The following NSMAF variants were observed in gnomAD, a reference collection of about 807,000 sequenced individuals.
NSMAF encodes neutral sphingomyelinase activation associated factor.
In NSMAF, 90 loss-of-function variants were observed where a neutral mutation model predicts 134.9. That is an observed-to-expected ratio of 0.67 (90% CI 0.56 to 0.79). The LOEUF is 0.79. Among genes scored for constraint, NSMAF ranks in the 30% least tolerant of loss-of-function variants. The pLI is 0.00. For synonymous variants in NSMAF, 358 were observed against 389.6 expected (o/e 0.92, Z 0.96); for missense variants, 1,010 against 1,119.0 (o/e 0.90, Z 1.39).
chr8:58,605,015 G>A (rs931903990), intron 12 of NSMAF, among the ~76,000 whole-genome samples: 6 of 152,156 alleles, frequency 3.9e-5, no homozygotes, highest in African/African-American at 1.4e-4. Context: ...AAAGTGCTGG[G>A]ATTACAGTCA....
At chr8:58,589,146 T>C (rs1805963904) in intron 26 of NSMAF, among the ~76,000 whole-genome samples, 1 of 148,254 alleles carries the variant, frequency 6.7e-6, no homozygotes, top group South Asian at 2.1e-4. Flanking sequence ...TTAAAAAATA[T>C]ATAATATGTA....
intron 12 of NSMAF, among the ~76,000 whole-genome samples, chr8:58,604,895 C>T (rs193296517): frequency 1.7e-3 from 262 of 152,178 alleles, no homozygotes; most frequent in African/African-American, 6.0e-3. Context: ...AGGCACACGC[C>T]ACCAGTCCCA....
intron 6 of NSMAF, among the ~76,000 whole-genome samples, chr8:58,628,999 A>C (rs1806998322): frequency 6.6e-6 from 1 of 152,182 alleles, no homozygotes. Flanking sequence ...TAATCTGATT[A>C]TCATGTGTCT....
Position 58,584,079 on chromosome 8 carries a change from T to C in NSMAF, c.*27A>G. 6.5e-7 allele frequency: 1 copy of C among 1,529,806 alleles called. No homozygotes were observed. The highest frequency in any genetic ancestry group is 9.1e-7 in the Non-Finnish European group (1 of 1,103,370). The allele number at this position is 1,529,806 out of a possible 1,614,324, so 94.8% of individuals were successfully genotyped here. A position where few individuals can be genotyped will look rare whatever the true frequency, so the allele number is the denominator to read the frequency against. On this transcript the variant is annotated 3_prime_UTR_variant, in exon 31 of 31. Transcript: ENST00000038176. ...TAAAAATGCATTAAATAGAGTTCAA[T>C]TTAATATTCAGGAGAGGAAAAGGCA...
chr8:58,599,128 G>T, intron 19 of NSMAF, 104 bp downstream of exon 19: 1 of 1,135,198 alleles, frequency 8.8e-7, no homozygotes, highest in Non-Finnish European at 1.3e-6. Flanking sequence ...AATTGCTTTG[G>T]CCTCATTTTT....
intron 24 of NSMAF, 106 bp downstream of exon 24, chr8:58,590,761 G>A (rs2129139463): frequency 1.7e-6 from 2 of 1,204,396 alleles, no homozygotes; most frequent in Middle Eastern, 5.2e-4. Flanking sequence ...TTACTACACA[G>A]GAATAAACTC....
At chr8:58,601,971 C>T in intron 14 of NSMAF, 87 bp downstream of exon 14, 1 of 1,044,132 alleles carries the variant, frequency 9.6e-7, no homozygotes, top group Non-Finnish European at 1.5e-6. Flanking sequence ...TTCCCCTAAG[C>T]CTTGGAGAAA....
intron 21 of NSMAF, among the ~76,000 whole-genome samples, chr8:58,596,437 T>C (rs1385327001): frequency 6.6e-6 from 1 of 152,176 alleles, no homozygotes; most frequent in Admixed American, 6.5e-5. Context: ...TTTGAAGTTG[T>C]CTTAGGTAAA....
rs185614752 is a variant in NSMAF, at chr8:58,591,268, T to C, written c.1952-334A>G. Among the ~76,000 whole-genome samples the C allele has an allele frequency of 5.4e-4, 82 of 152,244 alleles. 1 individual carries two copies. Among genetic ancestry groups the C allele is most frequent in the Admixed American group, 2.7e-3 (42 of 15,292 alleles). On this transcript the variant is annotated intron_variant, in intron 23 of 30. Coordinates refer to ENST00000038176, the MANE Select transcript of NSMAF (RefSeq NM_003580.4). The stretch of plus-strand genomic sequence containing the variant: ...ACAGGGAGGAAAATAGCAATTTTAA[T>C]AGTAACAATGAAACAGTAATTTTAA...
intron 5 of NSMAF, among the ~76,000 whole-genome samples, chr8:58,634,226 A>G (rs576737266): frequency 6.6e-6 from 1 of 152,350 alleles, no homozygotes; most frequent in Admixed American, 6.5e-5. Flanking sequence ...TTCTTCCTTA[A>G]AATTAATAGA....
At chr8:58,593,570 A>G (rs7826122) in intron 23 of NSMAF, among the ~76,000 whole-genome samples, 67,739 of 152,058 alleles carry the variant, frequency 0.45, 16,981 homozygotes, top group African/African-American at 0.69. Context: ...CCATCTCTGC[A>G]TCTTCCAGAG....
At chr8:58,653,800 T>G (rs1807640419) in intron 1 of NSMAF, among the ~76,000 whole-genome samples, 1 of 152,186 alleles carries the variant, frequency 6.6e-6, no homozygotes, top group Non-Finnish European at 1.5e-5. Flanking sequence ...CCATTCCTAT[T>G]TTATATCACA....
At position 58,589,541 on chromosome 8, in the gene NSMAF, C is replaced by T; in HGVS notation, c.2122G>A (p.Asp708Asn). 5.7e-6 allele frequency: 9 copies of T among 1,574,632 alleles called. No homozygotes were observed. Among genetic ancestry groups the T allele is most frequent in the Non-Finnish European group, 7.7e-6 (9 of 1,168,484 alleles). ...GCATCATCATGTCCCATTAACGTGTCCTGGCGTCTTCCAAATGCTATGGAA... is the reference window on the plus strand; with the variant it reads ...GCATCATCATGTCCCATTAACGTGTTCTGGCGTCTTCCAAATGCTATGGAA... Reference protein sequence around the residue: ...FYSIAFGRRQDTLMGHDDAVS... With the variant: ...FYSIAFGRRQNTLMGHDDAVS... The change falls in exon 26 of 31, where the codon GAC (aspartate) becomes AAC (asparagine). Residue 708 changes from aspartate (D) to asparagine (N), a missense_variant. By Grantham distance (23) the Asp-to-Asn change is conservative. Coordinates refer to ENST00000038176, the MANE Select transcript of NSMAF (RefSeq NM_003580.4).
At chr8:58,650,593 A>G (rs1807561558) in intron 1 of NSMAF, among the ~76,000 whole-genome samples, 1 of 152,204 alleles carries the variant, frequency 6.6e-6, no homozygotes, top group South Asian at 2.1e-4. Flanking sequence ...CAAACTGTCC[A>G]GTAACAGCAC....
In NSMAF at chr8:58,609,587, C is replaced by A. The variant is rs1363523611; in HGVS notation, c.687+17G>T. ...TAAACATGGGCAGCTCCCCACCTGA[C>A]CCTGTGGTCTACACACCGGGTAGCC... On this transcript the variant is annotated intron_variant, in intron 10 of 30. Coordinates refer to ENST00000038176, the MANE Select transcript of NSMAF (RefSeq NM_003580.4). 6.2e-7 allele frequency: 1 copy of A among 1,613,788 alleles called. No individual in the cohort carries two copies. The highest frequency in any genetic ancestry group is 1.7e-5 in the Admixed American group (1 of 60,000).
intron 6 of NSMAF, among the ~76,000 whole-genome samples, chr8:58,626,091 CTTT>C (rs1225264071): frequency 6.0e-5 from 6 of 99,390 alleles, no homozygotes; most frequent in African/African-American, 8.0e-5. Flanking sequence ...TTATATAATT[CTTT>C]TTTTTTTTTT....
chr8:58,604,234 A>AC (rs1422655883), intron 12 of NSMAF, among the ~76,000 whole-genome samples: 1 of 152,124 alleles, frequency 6.6e-6, no homozygotes, highest in Non-Finnish European at 1.5e-5. Flanking sequence ...TACTTTTGAA[A>AC]CCCCTCAGAA....
chr8:58,622,269 T>C (rs982272342), intron 9 of NSMAF, among the ~76,000 whole-genome samples: 3 of 152,088 alleles, frequency 2.0e-5, no homozygotes, highest in Non-Finnish European at 2.9e-5. Context: ...TGAGATGGGG[T>C]CTCACTCTGT....
At chr8:58,607,966 A>G in intron 10 of NSMAF, 126 bp from the exon 11 acceptor site, 1 of 767,126 alleles carries the variant, frequency 1.3e-6, no homozygotes, top group Non-Finnish European at 2.2e-6. Context: ...TTGGAAAAGG[A>G]AATCTTGGAA....
Sources: gnomAD v4.1 joint callset for allele counts (sites outside exome capture counted in the v4.1 genomes callset) on GRCh38, gnomAD v4.1.1 for gene constraint, MANE v1.5 for transcripts, NCBI Gene and HGNC (gene_info 2026-07-23, HGNC 2026-07-21) for gene names.